The following CFAP58 variants were observed in gnomAD, a reference collection of about 807,000 sequenced individuals.
CFAP58 encodes the protein cilia and flagella associated protein 58, also known as cilia- and flagella-associated protein 58.
CFAP58 carries 88 observed loss-of-function variants against 119.5 expected under a neutral mutation model. The ratio of observed to expected loss-of-function variants is 0.74; its 90% CI spans 0.62 to 0.88. The LOEUF (loss-of-function observed/expected upper bound fraction) is 0.88. Ranked by LOEUF, CFAP58 falls within the 40% of genes least tolerant of loss-of-function variation. CFAP58 has a pLI of 0.00. For synonymous variants in CFAP58, 365 were observed against 366.3 expected, an observed-to-expected ratio of 1.00 and a Z score of 0.04; for missense variants, 990 against 1,021.2, an observed-to-expected ratio of 0.97 and a Z score of 0.42.
chr10:104,424,114 G>A (rs148127424), intron 15 of CFAP58, among the ~76,000 whole-genome samples: 22 of 152,260 alleles, frequency 1.4e-4, no homozygotes, highest in Non-Finnish European at 2.6e-4. Flanking sequence ...TGGGTGTCAA[G>A]TCTGGCTCAT....
intron 13 of CFAP58, among the ~76,000 whole-genome samples, chr10:104,401,729 C>T (rs2012268584): frequency 6.6e-6 from 1 of 151,986 alleles, no homozygotes; most frequent in African/African-American, 2.4e-5. Context: ...AGCGAGGTTG[C>T]CACTATCAAG....
At chr10:104,398,575 T>C (rs1426100556) in intron 11 of CFAP58, among the ~76,000 whole-genome samples, 1 of 152,194 alleles carries the variant, frequency 6.6e-6, no homozygotes, top group Non-Finnish European at 1.5e-5. Flanking sequence ...TTCTCCATAA[T>C]TCCTGTGATT....
chr10:104,342,729 C>T, the CFAP58 span, among the ~76,000 whole-genome samples: 1 of 148,550 alleles, frequency 6.7e-6, no homozygotes, highest in Non-Finnish European at 1.5e-5. Flanking sequence ...CCTGTAATTC[C>T]AGCTACTCTG....
At chr10:104,374,544 A>G (rs2014865665) in intron 7 of CFAP58, among the ~76,000 whole-genome samples, 1 of 151,832 alleles carries the variant, frequency 6.6e-6, no homozygotes, top group Non-Finnish European at 1.5e-5. Flanking sequence ...CAATTTGAAA[A>G]ACAGAAATAC....
Position 104,370,986 on chromosome 10 carries a change from A to G in CFAP58, c.1022A>G (p.Glu341Gly). The stretch of plus-strand genomic sequence containing the variant: ...ATTCATAAGAAATTGCACCACACCG[A>G]AGATCAAAAGGCAGAAGTCGAACAG... Reference protein sequence around the residue: ...EQIHKKLHHTEDQKAEVEQHK... With the variant: ...EQIHKKLHHTGDQKAEVEQHK... The change falls in exon 7 of 18, where the codon GAA becomes GGA. Residue 341 changes from glutamate (E) to glycine (G), a missense_variant. By Grantham distance (98) the Glu-to-Gly change is moderately conservative. Transcript: ENST00000369704. 1 of 1,613,796 alleles carries G rather than the reference A, an allele frequency of 6.2e-7. No individual in the cohort carries two copies. The highest frequency in any genetic ancestry group is 8.5e-7 in the Non-Finnish European group (1 of 1,179,928).
chr10:104,343,323 T>A, the CFAP58 span, among the ~76,000 whole-genome samples: 1 of 152,212 alleles, frequency 6.6e-6, no homozygotes, highest in South Asian at 2.1e-4. Flanking sequence ...CTTTAGAGAT[T>A]ATTTACTGAC....
At chr10:104,392,798 C>A (rs890308993) in intron 10 of CFAP58, among the ~76,000 whole-genome samples, 5 of 151,980 alleles carry the variant, frequency 3.3e-5, no homozygotes, top group Admixed American at 3.3e-4. Flanking sequence ...TGCCACCATG[C>A]CTGGCTAATT....
intron 15 of CFAP58, among the ~76,000 whole-genome samples, chr10:104,442,719 G>A (rs891001886): frequency 1.3e-5 from 2 of 152,020 alleles, no homozygotes; most frequent in African/African-American, 4.8e-5. Context: ...TTAAAAAAAT[G>A]TTTGAAACTA....
intron 15 of CFAP58, among the ~76,000 whole-genome samples, chr10:104,447,235 C>G (rs2013124701): frequency 6.6e-6 from 1 of 151,336 alleles, no homozygotes; most frequent in Non-Finnish European, 1.5e-5. Context: ...CCATGTTCAT[C>G]TTGAACTCCT....
intron 15 of CFAP58, among the ~76,000 whole-genome samples, chr10:104,432,888 T>A (rs1299415855): frequency 6.6e-6 from 1 of 152,210 alleles, no homozygotes; most frequent in Non-Finnish European, 1.5e-5. Context: ...AAAGGCTTTA[T>A]AATATAAAAA....
Position 104,416,585 on chromosome 10 carries a change from C to A in CFAP58, c.2256+9792C>A, listed in dbSNP as rs571002280. On this transcript the variant is annotated intron_variant, in intron 15 of 17. Transcript: ENST00000369704. ...CAGAGGGAACAAACCTCATATAGCT[C>A]ATTTTTAGATAATTCTTTCATAAGG... is the stretch of plus-strand genomic sequence containing the variant. Among the ~76,000 whole-genome samples, 66 of 152,172 alleles carry A rather than the reference C, an allele frequency of 4.3e-4. 1 individual carries two copies. Among genetic ancestry groups the A allele is most frequent in the African/African-American group, 1.5e-3 (62 of 41,422 alleles).
intron 9 of CFAP58, among the ~76,000 whole-genome samples, chr10:104,380,775 T>A (rs1266631750): frequency 6.6e-6 from 1 of 152,110 alleles, no homozygotes; most frequent in African/African-American, 2.4e-5. Context: ...GGCAGGATGA[T>A]TGCTTGAGCC....
In CFAP58 at chr10:104,394,420, T is replaced by C. The variant is rs1042485049; in HGVS notation, c.1674+945T>C. On this transcript the variant is annotated intron_variant, in intron 11 of 17. Transcript: ENST00000369704. ...CTGGGTACCTTGCTTTCTGCACATATTAGCTTTCAAAGATAGTCACTGTCT... is the reference window on the plus strand; with the variant it reads ...CTGGGTACCTTGCTTTCTGCACATACTAGCTTTCAAAGATAGTCACTGTCT... Among the ~76,000 whole-genome samples, 9 of 152,252 alleles carry C rather than the reference T, an allele frequency of 5.9e-5. No individual in the cohort carries two copies. The South Asian group carries it at 8.3e-4, about 14-fold the overall frequency.
intron 14 of CFAP58, among the ~76,000 whole-genome samples, chr10:104,406,449 T>C (rs2012360447): frequency 6.6e-6 from 1 of 152,260 alleles, no homozygotes; most frequent in African/African-American, 2.4e-5. Context: ...ATATTTACTT[T>C]GTATTCATAG....
intron 11 of CFAP58, among the ~76,000 whole-genome samples, chr10:104,395,926 A>G (rs2012144095): frequency 6.6e-6 from 1 of 152,150 alleles, no homozygotes. Flanking sequence ...GGTCATCCTC[A>G]TCTTCATTCA....
intron 15 of CFAP58, among the ~76,000 whole-genome samples, chr10:104,409,531 T>A (rs781278637): frequency 6.6e-6 from 1 of 152,222 alleles, no homozygotes; most frequent in Non-Finnish European, 1.5e-5. Context: ...ATTGTCCACA[T>A]CTGTACTTTT....
intron 3 of CFAP58, 26 bp downstream of exon 3, chr10:104,362,197 G>C: frequency 6.3e-7 from 1 of 1,584,198 alleles, no homozygotes; most frequent in Middle Eastern, 1.7e-4. Context: ...GTTGATGTAT[G>C]TTAAACTTGC....
At chr10:104,359,149 G>A (rs535095836) in intron 2 of CFAP58, among the ~76,000 whole-genome samples, 28 of 152,168 alleles carry the variant, frequency 1.8e-4, no homozygotes, top group African/African-American at 6.5e-4. Context: ...GTATTGCTTT[G>A]TTTTACACTA....
At chr10:104,421,032 C>T (rs750049408) in intron 15 of CFAP58, among the ~76,000 whole-genome samples, 6 of 152,170 alleles carry the variant, frequency 3.9e-5, no homozygotes, top group Non-Finnish European at 8.8e-5. Context: ...GAATTACACG[C>T]ATGAGCCACC....
Sources: allele counts gnomAD v4.1 joint callset (sites outside exome capture counted in the v4.1 genomes callset), GRCh38; gene constraint gnomAD v4.1.1; transcripts MANE v1.5; gene names NCBI Gene and HGNC (gene_info 2026-07-23, HGNC 2026-07-21).